Variants in MTUS1 observed in about 807,000 individuals in gnomAD.
MTUS1 encodes microtubule-associated tumor suppressor 1.
Under a neutral mutation model 120.8 loss-of-function variants are expected in MTUS1, and 109 were observed. That is an observed-to-expected ratio of 0.90 (90% CI 0.77 to 1.06). The LOEUF is 1.06. Among genes scored for constraint, MTUS1 ranks in the 50% least tolerant of loss-of-function variants. The pLI, the probability that MTUS1 is intolerant of heterozygous loss-of-function variation, is 0.00. For synonymous variants in MTUS1, 737 were observed against 550.5 expected, an observed-to-expected ratio of 1.34 and a Z score of -4.74; for missense variants, 2,210 against 1,486.3, an observed-to-expected ratio of 1.49 and a Z score of -8.01.
chr8:17,674,973 T>TAG, intron 8 of MTUS1: 1 of 1,352,720 alleles, frequency 7.4e-7, no homozygotes, highest in Non-Finnish European at 9.5e-7. Context: ...TCTGCTAGGC[T>TAG]TAGTCAGATC....
At chr8:17,668,650 T>A (rs1811403858) in intron 8 of MTUS1, among the ~76,000 whole-genome samples, 3 of 152,240 alleles carry the variant, frequency 2.0e-5, no homozygotes. Flanking sequence ...GATGTGGATT[T>A]CATTTTTTAA....
At chr8:17,677,263 C>A (rs191053774) in intron 7 of MTUS1, among the ~76,000 whole-genome samples, 169 of 152,154 alleles carry the variant, frequency 1.1e-3, no homozygotes, top group Non-Finnish European at 1.9e-3. Context: ...CAAATTTAAG[C>A]CTGAATTTTG....
chr8:17,711,341 C>G (rs546384405), intron 6 of MTUS1, among the ~76,000 whole-genome samples: 1 of 152,308 alleles, frequency 6.6e-6, no homozygotes, highest in Non-Finnish European at 1.5e-5. Flanking sequence ...CCAGCTAGAT[C>G]TTCTGGATGA....
intron 2 of MTUS1, among the ~76,000 whole-genome samples, chr8:17,751,480 T>C (rs55732411): frequency 0.098 from 14,898 of 152,182 alleles, 824 homozygotes; most frequent in South Asian, 0.16. Flanking sequence ...GCCCAGACAC[T>C]TTCCAGTCCT....
chr8:17,756,706 G>C (rs1231904664), intron 1 of MTUS1, among the ~76,000 whole-genome samples: 1 of 131,934 alleles, frequency 7.6e-6, no homozygotes, highest in East Asian at 2.2e-4. Flanking sequence ...TGGAGACAGA[G>C]CCTTTAAGGA....
chr8:17,777,407 C>A (rs2050533565), intron 1 of MTUS1, among the ~76,000 whole-genome samples: 1 of 151,236 alleles, frequency 6.6e-6, no homozygotes, highest in African/African-American at 2.4e-5. Context: ...CCACTGTACT[C>A]CAGCTTGGGT....
At chr8:17,657,077 A>G (rs561118114) in intron 8 of MTUS1, among the ~76,000 whole-genome samples, 89 of 151,020 alleles carry the variant, frequency 5.9e-4, no homozygotes, top group Non-Finnish European at 1.1e-3. Flanking sequence ...AAAAAAAAAA[A>G]AAAAGAAACA....
chr8:17,744,290 T>A (rs1023295167), intron 2 of MTUS1, among the ~76,000 whole-genome samples: 5 of 152,128 alleles, frequency 3.3e-5, no homozygotes, highest in Non-Finnish European at 7.4e-5. Flanking sequence ...ATAGGTAATA[T>A]TTGCCATCTA....
chr8:17,761,359 T>C (rs771032929), intron 1 of MTUS1, among the ~76,000 whole-genome samples: 47 of 152,184 alleles, frequency 3.1e-4, no homozygotes, highest in African/African-American at 1.1e-3. Flanking sequence ...ACAATTATTA[T>C]CATATAATAG....
At chr8:17,773,665 G>C (rs190509143) in intron 1 of MTUS1, among the ~76,000 whole-genome samples, 22 of 152,264 alleles carry the variant, frequency 1.4e-4, no homozygotes, top group Admixed American at 3.3e-4. Context: ...GAAGCCACCA[G>C]TCCCATCATG....
At chr8:17,710,643 C>A (rs1821095888) in intron 6 of MTUS1, among the ~76,000 whole-genome samples, 1 of 152,180 alleles carries the variant, frequency 6.6e-6, no homozygotes, top group Non-Finnish European at 1.5e-5. Context: ...GTGCTCTGAC[C>A]TCCTCCCATG....
intron 9 of MTUS1, 102 bp downstream of exon 9, chr8:17,655,761 C>G (rs1310618234): frequency 1.9e-5 from 19 of 985,744 alleles, no homozygotes; most frequent in Admixed American, 3.6e-5. Context: ...CTTTTTATAC[C>G]TATTAGACTA....
intron 5 of MTUS1, 26 bp from the exon 6 acceptor site, chr8:17,713,278 A>C (rs1457123254): frequency 7.5e-7 from 1 of 1,331,880 alleles, no homozygotes; most frequent in Non-Finnish European, 1.1e-6. Context: ...AACATGTAAA[A>C]TACATATGTT....
chr8:17,786,098 C>A (rs1330170189), intron 1 of MTUS1, among the ~76,000 whole-genome samples: 1 of 152,162 alleles, frequency 6.6e-6, no homozygotes, highest in Non-Finnish European at 1.5e-5. Flanking sequence ...CAAGACTGTG[C>A]CAAAGCACTC....
At chr8:17,676,997 C>A (rs865860688) in intron 7 of MTUS1, among the ~76,000 whole-genome samples, 1 of 152,170 alleles carries the variant, frequency 6.6e-6, no homozygotes, top group African/African-American at 2.4e-5. Flanking sequence ...AACGCCAGCA[C>A]TGAAACGTGG....
At chr8:17,674,449 A>G in intron 8 of MTUS1, 3 of 984,154 alleles carry the variant, frequency 3.0e-6, no homozygotes, top group Non-Finnish European at 3.6e-6. Context: ...CAGAAAAGAG[A>G]AAAGCAAAAC....
chr8:17,677,481 T>C (rs540878603), intron 7 of MTUS1, among the ~76,000 whole-genome samples: 1 of 152,154 alleles, frequency 6.6e-6, no homozygotes, highest in Non-Finnish European at 1.5e-5. Context: ...TGGAAACTAA[T>C]GGGAGGATGA....
At chr8:17,701,148 A>G (rs1366764390) in intron 6 of MTUS1, among the ~76,000 whole-genome samples, 1 of 152,164 alleles carries the variant, frequency 6.6e-6, no homozygotes, top group African/African-American at 2.4e-5. Context: ...TATCCAACCA[A>G]TCTTCCTTAG....
intron 7 of MTUS1, among the ~76,000 whole-genome samples, chr8:17,680,876 C>A (rs920999754): frequency 3.3e-5 from 5 of 152,100 alleles, no homozygotes; most frequent in African/African-American, 1.2e-4. Flanking sequence ...AATTGACTCC[C>A]GGGCCTTCGT....
Sources: allele counts gnomAD v4.1 joint callset (sites outside exome capture counted in the v4.1 genomes callset), GRCh38; gene constraint gnomAD v4.1.1; transcripts MANE v1.5; gene names NCBI Gene and HGNC (gene_info 2026-07-23, HGNC 2026-07-21).